Variants in DNAI4 observed in about 807,000 individuals in gnomAD.
DNAI4 encodes the protein dynein axonemal intermediate chain 4.
A neutral mutation model predicts 105.8 loss-of-function variants in DNAI4; 85 were observed. The ratio of observed to expected loss-of-function variants is 0.80; its 90% CI spans 0.67 to 0.96. The LOEUF (loss-of-function observed/expected upper bound fraction) is 0.96, where lower values mean the gene tolerates loss of function less well. Among genes scored for constraint, DNAI4 ranks in the 40% least tolerant of loss-of-function variants. The pLI is 0.00. For synonymous variants in DNAI4, 352 were observed against 331.5 expected, an observed-to-expected ratio of 1.06 and a Z score of -0.67; for missense variants, 1,014 against 1,005.6, an observed-to-expected ratio of 1.01 and a Z score of -0.11.
intron 7 of DNAI4, among the ~76,000 whole-genome samples, chr1:66,861,583 AG>A (rs745987043): frequency 4.6e-5 from 7 of 152,150 alleles, no homozygotes; most frequent in Non-Finnish European, 8.8e-5. Context: ...GTTGTAATGT[AG>A]GGTTTCTCAA....
intron 1 of DNAI4, among the ~76,000 whole-genome samples, chr1:66,906,743 T>C (rs1649280250): frequency 6.6e-6 from 1 of 152,058 alleles, no homozygotes; most frequent in African/African-American, 2.4e-5. Flanking sequence ...CTATTCTCCT[T>C]CTATCTCTAA....
At chr1:66,817,856 G>A (rs561794108) in intron 16 of DNAI4, among the ~76,000 whole-genome samples, 5 of 152,256 alleles carry the variant, frequency 3.3e-5, no homozygotes, top group Non-Finnish European at 5.9e-5. Context: ...CAGTAAAACA[G>A]GGCTCAGGCT....
intron 1 of DNAI4, among the ~76,000 whole-genome samples, chr1:66,906,741 C>T (rs1442703643): frequency 8.6e-5 from 13 of 151,996 alleles, no homozygotes. Flanking sequence ...CCCTATTCTC[C>T]TTCTATCTCT....
At chr1:66,861,189 G>A (rs138905545) in intron 7 of DNAI4, among the ~76,000 whole-genome samples, 188 of 152,162 alleles carry the variant, frequency 1.2e-3, no homozygotes, top group African/African-American at 4.4e-3. Flanking sequence ...TTGTTATTTC[G>A]AAATACTTAT....
At chr1:66,909,895 G>A (rs1175588680) in intron 1 of DNAI4, among the ~76,000 whole-genome samples, 1 of 151,984 alleles carries the variant, frequency 6.6e-6, no homozygotes, top group Non-Finnish European at 1.5e-5. Context: ...AATACATCTG[G>A]AATCCATTCA....
intron 1 of DNAI4, among the ~76,000 whole-genome samples, chr1:66,912,204 G>A (rs1220696575): frequency 6.6e-6 from 1 of 152,086 alleles, no homozygotes; most frequent in Admixed American, 6.5e-5. Flanking sequence ...GAATGAAGCC[G>A]GGCACGGTGG....
At chr1:66,885,487 CA>C (rs1647173216) in intron 4 of DNAI4, among the ~76,000 whole-genome samples, 2 of 152,164 alleles carry the variant, frequency 1.3e-5, no homozygotes, top group African/African-American at 4.8e-5. Flanking sequence ...TTAATTTCAA[CA>C]CTTTAAAGAT....
chr1:66,825,336 C>T (rs886734728), intron 15 of DNAI4, among the ~76,000 whole-genome samples: 12 of 151,382 alleles, frequency 7.9e-5, no homozygotes, highest in South Asian at 2.1e-4. Context: ...CCCGCCACCG[C>T]GCCCGGCTAA....
At position 66,834,100 on chromosome 1, in the gene DNAI4, T is replaced by C. The variant is rs1645928630; in HGVS notation, c.1782A>G (p.Ile594Met). The C allele has an allele frequency of 6.2e-7, 1 of 1,611,572 alleles. No individual in the cohort carries two copies. The highest frequency in any genetic ancestry group is 8.5e-7 in the Non-Finnish European group (1 of 1,179,132). Residue 594 changes from isoleucine (I) to methionine (M), a missense_variant, in exon 12 of 17, where the codon ATA (isoleucine) becomes ATG (methionine). Ile to Met is a conservative substitution (Grantham distance 10). Coordinates refer to ENST00000371026, the MANE Select transcript of DNAI4 (RefSeq NM_024763.5). The stretch of plus-strand genomic sequence containing the variant: ...CTCCTGTTGTTCCTCGATCTTGTTC[T>C]ATCCACTGTAGTTGCCATACAGGTC... ...HLGPVWQLQW[I>M]EQDRGTTGDG... is the part of the protein sequence containing the mutation.
intron 16 of DNAI4, among the ~76,000 whole-genome samples, chr1:66,817,160 GATC>G (rs1645534473): frequency 6.6e-6 from 1 of 152,216 alleles, no homozygotes; most frequent in Non-Finnish European, 1.5e-5. Context: ...GTCTTCCACT[GATC>G]ATCATTTGGG....
At chr1:66,878,254 G>C (rs1235218308) in intron 4 of DNAI4, among the ~76,000 whole-genome samples, 1 of 151,942 alleles carries the variant, frequency 6.6e-6, no homozygotes, top group Non-Finnish European at 1.5e-5. Context: ...TATTTATTTT[G>C]TTGTTGAAAT....
chr1:66,893,061 G>GAAAGAAAA (rs1557965283), intron 3 of DNAI4, among the ~76,000 whole-genome samples, 168 bp downstream of exon 3: 11 of 93,628 alleles, frequency 1.2e-4, no homozygotes, highest in Non-Finnish European at 1.7e-4. Flanking sequence ...GAAAGAGAGA[G>GAAAGAAAA]AGAGAAAGAA....
chr1:66,921,181 T>G (rs1390193145), intron 1 of DNAI4: 2 of 151,950 alleles, frequency 1.3e-5, no homozygotes, highest in African/African-American at 4.8e-5. Flanking sequence ...GATAAAAACA[T>G]TAAATAAGAA....
chr1:66,913,735 C>T (rs1649834740), intron 1 of DNAI4, among the ~76,000 whole-genome samples: 1 of 152,072 alleles, frequency 6.6e-6, no homozygotes, highest in Non-Finnish European at 1.5e-5. Flanking sequence ...GTAATTCCAG[C>T]ACTTTGGGAG....
intron 10 of DNAI4, among the ~76,000 whole-genome samples, chr1:66,836,141 AAAG>A (rs1266133603): frequency 1.6e-4 from 3 of 18,494 alleles, no homozygotes; most frequent in African/African-American, 5.7e-4. Context: ...GAAAGAAAGA[AAAG>A]AAAGAAAGAA....
At chr1:66,905,068 T>C in intron 2 of DNAI4, 133 bp downstream of exon 2, 1 of 704,612 alleles carries the variant, frequency 1.4e-6, no homozygotes, top group East Asian at 2.9e-5. Context: ...TAATATGTGG[T>C]AAAAATTAAC....
chr1:66,844,466 G>A (rs1646227409), intron 8 of DNAI4, among the ~76,000 whole-genome samples: 1 of 152,120 alleles, frequency 6.6e-6, no homozygotes, highest in Non-Finnish European at 1.5e-5. Flanking sequence ...GGGAGGCTGA[G>A]GTGGGAGAAT....
At chr1:66,920,417 A>G (rs917398596) in intron 1 of DNAI4, among the ~76,000 whole-genome samples, 2 of 152,144 alleles carry the variant, frequency 1.3e-5, no homozygotes, top group African/African-American at 4.8e-5. Flanking sequence ...TGTGGGTGCA[A>G]AAGGCTGTCA....
chr1:66,904,060 CAT>C (rs1649053203), intron 2 of DNAI4, among the ~76,000 whole-genome samples: 2 of 148,794 alleles, frequency 1.3e-5, no homozygotes, highest in African/African-American at 5.0e-5. Context: ...TGCATGTATT[CAT>C]ATATATGTGT....
Sources: allele counts gnomAD v4.1 joint callset (sites outside exome capture counted in the v4.1 genomes callset), GRCh38; gene constraint gnomAD v4.1.1; transcripts MANE v1.5; gene names NCBI Gene and HGNC (gene_info 2026-07-23, HGNC 2026-07-21).